CTSF: variants seen among roughly 807,000 people sequenced by gnomAD.
CTSF encodes the protein cathepsin F.
Under a neutral mutation model 63.5 loss-of-function variants are expected in CTSF, and 65 were observed. The ratio of observed to expected loss-of-function variants is 1.02; its 90% CI spans 0.84 to 1.26. CTSF has a LOEUF of 1.26. CTSF is among the 50% of genes most tolerant of loss of function. The probability of loss-of-function intolerance (pLI) is 0.00; values close to 1 mark genes in which losing one functional copy is unlikely to be tolerated. For missense variants in CTSF, 641 were observed against 631.0 expected (o/e 1.02, Z -0.17); for synonymous variants, 256 against 258.1 (o/e 0.99, Z 0.08).
chr11:66,565,400 CTGGCTAA>C (rs1016055961), intron 8 of CTSF, among the ~76,000 whole-genome samples: 15 of 152,204 alleles, frequency 9.9e-5, no homozygotes, highest in Non-Finnish European at 1.9e-4. Flanking sequence ...GCCACCATGC[CTGGCTAA>C]TGTCTTTAAT....
intron 2 of CTSF, 66 bp downstream of exon 2, chr11:66,567,918 C>T (rs143186834): frequency 6.6e-7 from 1 of 1,523,022 alleles, no homozygotes; most frequent in Non-Finnish European, 8.8e-7. Context: ...TGACCTGACC[C>T]GTCATCATCC....
At chr11:66,567,713 A>G (rs776421209) in intron 2 of CTSF, 51 bp from the exon 3 acceptor site, 1 of 1,577,368 alleles carries the variant, frequency 6.3e-7, no homozygotes. Context: ...GGATCTGGGG[A>G]GCAAGATCTG....
In CTSF at chr11:66,566,203, AGT is replaced by A. The variant is rs573169893; in HGVS notation, c.722-38_722-37del. 4,786 of 1,613,860 alleles carry A rather than the reference AGT, an allele frequency of 3.0e-3. 15 individuals are homozygous for A. The highest frequency in any genetic ancestry group is 2.9e-3 in the Non-Finnish European group (3,398 of 1,179,884). On this transcript the variant is annotated intron_variant, in intron 5 of 12. Coordinates refer to ENST00000310325, the MANE Select transcript of CTSF (RefSeq NM_003793.4). Reference sequence around the variant, plus strand: ...AGGTGGGCAGGGCATGGGGAGGAAGAGTGTTCTAAGCCAGACCTGACCAGAGG... The same window carrying A: ...AGGTGGGCAGGGCATGGGGAGGAAGAGTTCTAAGCCAGACCTGACCAGAGG...
At chr11:66,567,692 G>A in intron 2 of CTSF, 30 bp from the exon 3 acceptor site, 1 of 1,599,978 alleles carries the variant, frequency 6.3e-7, no homozygotes, top group Non-Finnish European at 8.5e-7. Context: ...CTGCTCTGGG[G>A]GCCTGGATCT....
Position 66,567,516 on chromosome 11 carries a change from T to A in CTSF, c.459A>T (p.Gln153His). ...TCTCGTTTCTGTTGTCTGGATGGTT[T>A]TGGGACAGAGAAGAAATCATGGCTG... Reference protein sequence around the residue: ...QGSAMISSLSQNHPDNRNETF... With the variant: ...QGSAMISSLSHNHPDNRNETF... The change falls in exon 3 of 13, where the codon CAA becomes CAT. Residue 153 changes from glutamine (Q) to histidine (H), a missense_variant. Coordinates refer to ENST00000310325, the MANE Select transcript of CTSF (RefSeq NM_003793.4). The A allele has an allele frequency of 1.9e-6, 3 of 1,614,142 alleles. No homozygotes were observed. The highest frequency in any genetic ancestry group is 2.5e-6 in the Non-Finnish European group (3 of 1,180,016).
Position 66,563,674 on chromosome 11 carries a change from C to T in CTSF, c.*259G>A. ...CCCAGAGTTCTTGCCCCAGCTTCAA[C>T]TGCCAAGATACCACCCTTCACCCCG... On this transcript the variant is annotated 3_prime_UTR_variant, in exon 13 of 13. Coordinates refer to ENST00000310325, the MANE Select transcript of CTSF (RefSeq NM_003793.4). The T allele has an allele frequency of 1.7e-6, 1 of 583,736 alleles. No individual in the cohort carries two copies. Among genetic ancestry groups the T allele is most frequent in the Non-Finnish European group, 3.0e-6 (1 of 328,948 alleles). The allele number at this position is 583,736 out of a possible 1,614,324, so 36.2% of individuals were successfully genotyped here. A position where few individuals can be genotyped will look rare whatever the true frequency, so the allele number is the denominator to read the frequency against.
intron 4 of CTSF, 30 bp downstream of exon 4, chr11:66,567,216 G>T: frequency 6.2e-7 from 1 of 1,611,836 alleles, no homozygotes; most frequent in South Asian, 1.1e-5. Context: ...GTTCTGATAG[G>T]AACAGGTACA....
intron 11 of CTSF, 130 bp from the exon 12 acceptor site, chr11:66,564,276 G>A (rs1297171250): frequency 8.3e-6 from 10 of 1,208,430 alleles, no homozygotes; most frequent in Non-Finnish European, 1.0e-5. Context: ...AGCAGAAAGC[G>A]AGGGGCCCAC....
chr11:66,566,461 G>A, intron 4 of CTSF, 57 bp from the exon 5 acceptor site: 1 of 1,526,846 alleles, frequency 6.5e-7, no homozygotes, highest in South Asian at 1.1e-5. Context: ...AAAAGGAAGG[G>A]CAATTGGGGC....
intron 2 of CTSF, 48 bp from the exon 3 acceptor site, chr11:66,567,710 G>T: frequency 6.3e-7 from 1 of 1,581,302 alleles, no homozygotes; most frequent in South Asian, 1.2e-5. Context: ...TCTGGATCTG[G>T]GGAGCAAGAT....
Position 66,564,595 on chromosome 11 carries a change from G to T in CTSF, c.1284C>A (p.Leu428=), listed in dbSNP as rs1412878820. ...CCACAAGCAACACCGCATGGTCAAT[G>T]AGCCAAGGGCTGCAGAGGGGCCGGA... ...RPLRPLCSPW[L]IDHAVLLVGY... is the part of the protein sequence containing the mutation. The change falls in exon 11 of 13, where the codon CTC becomes CTA. Residue 428 remains leucine, a synonymous_variant. Transcript: ENST00000310325. 3 of 1,592,056 alleles carry T rather than the reference G, an allele frequency of 1.9e-6. No individual in the cohort carries two copies. The Admixed American group carries it at 5.4e-5, about 28-fold the overall frequency.
rs1244186615 is a variant in CTSF, at chr11:66,567,511, T to C, written c.464A>G (p.His155Arg). The C allele has an allele frequency of 6.2e-7, 1 of 1,614,054 alleles. No homozygotes were observed. Among genetic ancestry groups the C allele is most frequent in the African/African-American group, 1.3e-5 (1 of 74,916 alleles). Reference protein sequence around the residue: ...SAMISSLSQNHPDNRNETFSS... With the variant: ...SAMISSLSQNRPDNRNETFSS... Reference sequence around the variant, plus strand: ...GAAAGTCTCGTTTCTGTTGTCTGGATGGTTTTGGGACAGAGAAGAAATCAT... The same window carrying C: ...GAAAGTCTCGTTTCTGTTGTCTGGACGGTTTTGGGACAGAGAAGAAATCAT... The change falls in exon 3 of 13, where the codon CAT becomes CGT. Residue 155 changes from histidine to arginine, a missense_variant. His to Arg is a conservative substitution (Grantham distance 29). Transcript: ENST00000310325.
chr11:66,564,893 C>A lies in CTSF; in HGVS notation c.1159G>T (p.Glu387Ter). The A allele has an allele frequency of 6.2e-7, 1 of 1,612,330 alleles. No individual in the cohort carries two copies. Among genetic ancestry groups the A allele is most frequent in the South Asian group, 1.1e-5 (1 of 90,958 alleles). Residue 387 changes from glutamate to a stop codon, truncating the protein, a stop_gained, in exon 9 of 13, where the codon GAG (glutamate) becomes TAG (stop). Transcript: ENST00000310325. LOFTEE classifies it high-confidence loss of function. ...CACCCTGCCCCTCACTCACTCTGCT[C>A]GTTCTGGCTCAGCTCCACGGAGTCA... ...INDSVELSQN[E>*]QKLAAWLAKR...
At position 66,563,590 on chromosome 11, in the gene CTSF, G is replaced by A. The variant is rs1004729070; in HGVS notation, c.*343C>T. The A allele has an allele frequency of 1.8e-5, 9 of 490,340 alleles. No individual in the cohort carries two copies. The highest frequency in any genetic ancestry group is 9.5e-5 in the African/African-American group (5 of 52,534). 30.4% of individuals were successfully genotyped at this position (490,340 alleles called of 1,614,324 possible). On this transcript the variant is annotated 3_prime_UTR_variant, in exon 13 of 13. Coordinates refer to ENST00000310325, the MANE Select transcript of CTSF (RefSeq NM_003793.4). ...TTTATAGTATCAAACAGAGGAAAGC[G>A]GGGGCAGAACAGAGCTGGGCTTAAG... is the stretch of plus-strand genomic sequence containing the variant.
At chr11:66,566,514 C>G (rs1857936616) in intron 4 of CTSF, 110 bp from the exon 5 acceptor site, 2 of 945,424 alleles carry the variant, frequency 2.1e-6, no homozygotes, top group Non-Finnish European at 3.2e-6. Context: ...GGGGTGGGGG[C>G]CAGACATGCA....
chr11:66,564,268 C>T (rs1857876474), intron 11 of CTSF, 122 bp from the exon 12 acceptor site: 1 of 1,297,552 alleles, frequency 7.7e-7, no homozygotes, highest in Non-Finnish European at 1.1e-6. Context: ...AGGAAAAGAG[C>T]AGAAAGCGAG....
At position 66,563,776 on chromosome 11, in the gene CTSF, A is replaced by AG. The variant is rs1379987819; in HGVS notation, c.*156dup. ...GGGTGGGAATGGGGTGCAGGGAAGCAGGGGCTGTGCCCCAGCCCAGTGCCC... is the reference window on the plus strand; with the variant it reads ...GGGTGGGAATGGGGTGCAGGGAAGCAGGGGGCTGTGCCCCAGCCCAGTGCCC... On this transcript the variant is annotated 3_prime_UTR_variant, in exon 13 of 13. Coordinates refer to ENST00000310325, the MANE Select transcript of CTSF (RefSeq NM_003793.4). The AG allele has an allele frequency of 2.4e-6, 2 of 826,214 alleles. No individual in the cohort carries two copies. Among genetic ancestry groups the AG allele is most frequent in the African/African-American group, 3.4e-5 (2 of 58,192 alleles). The allele number at this position is 826,214 out of a possible 1,614,324, so 51.2% of individuals were successfully genotyped here. A position where few individuals can be genotyped will look rare whatever the true frequency, so the allele number is the denominator to read the frequency against.
intron 5 of CTSF, 45 bp downstream of exon 5, chr11:66,566,246 C>T: frequency 6.2e-7 from 1 of 1,613,906 alleles, no homozygotes; most frequent in Non-Finnish European, 8.5e-7. Flanking sequence ...CGAGCAAGGT[C>T]CTGTCTCTTC....
chr11:66,568,354 A>G lies in CTSF; in HGVS notation c.133T>C (p.Phe45Leu), dbSNP rs1332760939. The G allele has an allele frequency of 3.0e-5, 39 of 1,305,840 alleles. No homozygotes were observed. The highest frequency in any genetic ancestry group is 8.4e-5 in the Admixed American group (2 of 23,756). 80.9% of individuals were successfully genotyped at this position (1,305,840 alleles called of 1,614,324 possible). Residue 45 changes from phenylalanine to leucine, a missense_variant, in exon 1 of 13, where the codon TTC becomes CTC. Physicochemically the swap from Phe to Leu is conservative, Grantham distance 22 (BLOSUM62 0). Transcript: ENST00000310325. ...PSPELLAPTRFALEMFNRGRA... is the reference protein window; with the variant it reads ...PSPELLAPTRLALEMFNRGRA... ...CCGCGGTTGAACATCTCCAGCGCGA[A>G]GCGGGTGGGCGCCAGCAGCTCCGGG...
Sources: gnomAD v4.1 joint callset for allele counts (sites outside exome capture counted in the v4.1 genomes callset) on GRCh38, gnomAD v4.1.1 for gene constraint, MANE v1.5 for transcripts, NCBI Gene and HGNC (gene_info 2026-07-23, HGNC 2026-07-21) for gene names.